The following NUCKS1 variants were observed in gnomAD, a reference collection of about 807,000 sequenced individuals.
NUCKS1 encodes nuclear casein kinase and cyclin dependent kinase substrate 1, also known as nuclear ubiquitous casein and cyclin-dependent kinase substrate 1.
In NUCKS1, 2 loss-of-function variants were observed where a neutral mutation model predicts 33.0. That is an observed-to-expected ratio of 0.06 (90% CI 0.02 to 0.19). The LOEUF (loss-of-function observed/expected upper bound fraction) is 0.19, where lower values mean the gene tolerates loss of function less well. Among genes scored for constraint, NUCKS1 ranks in the 10% least tolerant of loss-of-function variants. NUCKS1 has a pLI of 1.00. For missense variants in NUCKS1, 201 were observed against 293.6 expected, an observed-to-expected ratio of 0.68 and a Z score of 2.31; for synonymous variants, 106 against 102.8, an observed-to-expected ratio of 1.03 and a Z score of -0.19.
chr1:205,718,367 C>T lies in NUCKS1; in HGVS notation c.645G>A (p.Pro215=), dbSNP rs116436694. The T allele has an allele frequency of 7.1e-5, 115 of 1,613,556 alleles. No homozygotes were observed. In the Admixed American group the frequency reaches 7.8e-4, roughly 11 times the overall value. The change falls in exon 7 of 7, where the codon CCG becomes CCA. Residue 215 remains proline, a synonymous_variant. Coordinates refer to ENST00000367142, the MANE Select transcript of NUCKS1 (RefSeq NM_022731.5). The part of the protein sequence containing the change: ...PKEEDEEPES[P]PEKKTSTSPP... Reference sequence around the variant, plus strand: ...GGCTTGTAGATGTTTTCTTTTCTGGCGGGCTTTCCGGTTCCTCATCTTCTT... The same window carrying T: ...GGCTTGTAGATGTTTTCTTTTCTGGTGGGCTTTCCGGTTCCTCATCTTCTT...
intron 4 of NUCKS1, among the ~76,000 whole-genome samples, chr1:205,723,439 A>C (rs1405756767): frequency 6.6e-6 from 1 of 152,192 alleles, no homozygotes; most frequent in Non-Finnish European, 1.5e-5. Context: ...TACAAAAAAA[A>C]CTTTCTCTAT....
intron 1 of NUCKS1, among the ~76,000 whole-genome samples, chr1:205,747,859 A>G (rs961926308): frequency 2.0e-5 from 3 of 152,230 alleles, no homozygotes; most frequent in Admixed American, 6.5e-5. Flanking sequence ...ACAAACCACC[A>G]AACTCAAGTT....
intron 1 of NUCKS1, among the ~76,000 whole-genome samples, chr1:205,741,144 C>CT (rs1654160688): frequency 6.6e-6 from 1 of 150,724 alleles, no homozygotes; most frequent in Admixed American, 6.6e-5. Flanking sequence ...ACTAAAAATA[C>CT]AAAAAATTAG....
chr1:205,729,585 T>C lies in NUCKS1; in HGVS notation c.54A>G (p.Glu18=). The stretch of plus-strand genomic sequence containing the variant: ...CACAAAACTTACCTGCATCATCAGA[T>C]TCCTGAAACTGTGAGTAATCAACAA... The part of the protein sequence containing the change: ...RKVVDYSQFQ[E]SDDADEDYGR... Residue 18 remains glutamate, a synonymous_variant, in exon 2 of 7, where the codon GAA becomes GAG. Coordinates refer to ENST00000367142, the MANE Select transcript of NUCKS1 (RefSeq NM_022731.5). 2 of 1,613,132 alleles carry C rather than the reference T, an allele frequency of 1.2e-6. No homozygotes were observed. The highest frequency in any genetic ancestry group is 1.7e-6 in the Non-Finnish European group (2 of 1,179,120).
At chr1:205,746,579 TG>T (rs1487717440) in intron 1 of NUCKS1, among the ~76,000 whole-genome samples, 2 of 152,134 alleles carry the variant, frequency 1.3e-5, no homozygotes, top group Non-Finnish European at 2.9e-5. Context: ...TGAACTACCT[TG>T]AATTTTCAAG....
At chr1:205,720,712 G>T in intron 4 of NUCKS1, 59 bp from the exon 5 acceptor site, 1 of 1,479,246 alleles carries the variant, frequency 6.8e-7, no homozygotes, top group Non-Finnish European at 9.1e-7. Context: ...TGACAAGATA[G>T]TGCAAAAGAT....
chr1:205,749,682 C>T lies in NUCKS1; in HGVS notation c.17+275G>A, dbSNP rs12727532. 2.1e-3 allele frequency among the ~76,000 whole-genome samples: 312 copies of T among 152,106 alleles called. 3 individuals are homozygous for T. The East Asian group carries it at 0.021, about 10-fold the overall frequency. On this transcript the variant is annotated intron_variant, in intron 1 of 6. Coordinates refer to ENST00000367142, the MANE Select transcript of NUCKS1 (RefSeq NM_022731.5). Reference sequence around the variant, plus strand: ...CCGGCCGCTGGCGGCTCAGGGACACCCCGCCCGCTCTAGTGCGGTGGGTGG... The same window carrying T: ...CCGGCCGCTGGCGGCTCAGGGACACTCCGCCCGCTCTAGTGCGGTGGGTGG...
At chr1:205,734,038 T>C (rs1156916497) in intron 1 of NUCKS1, among the ~76,000 whole-genome samples, 1 of 152,074 alleles carries the variant, frequency 6.6e-6, no homozygotes, top group Admixed American at 6.6e-5. Context: ...GCCTGGCTAA[T>C]TAAAAACAAT....
chr1:205,719,415 C>G, intron 6 of NUCKS1, 112 bp downstream of exon 6: 1 of 1,061,708 alleles, frequency 9.4e-7, no homozygotes, highest in Non-Finnish European at 1.4e-6. Context: ...TTCTTGTATT[C>G]CTGCTAAACA....
intron 1 of NUCKS1, among the ~76,000 whole-genome samples, chr1:205,737,563 C>T (rs1654062338): frequency 6.6e-6 from 1 of 152,204 alleles, no homozygotes; most frequent in South Asian, 2.1e-4. Context: ...TATCATTCTG[C>T]CTGTATTTCT....
At chr1:205,743,457 A>G (rs1654232459) in intron 1 of NUCKS1, among the ~76,000 whole-genome samples, 1 of 152,232 alleles carries the variant, frequency 6.6e-6, no homozygotes, top group Admixed American at 6.5e-5. Flanking sequence ...TTAAAACACT[A>G]AAAACTCAAC....
intron 1 of NUCKS1, among the ~76,000 whole-genome samples, chr1:205,743,218 A>G (rs746494815): frequency 6.6e-6 from 1 of 152,232 alleles, no homozygotes; most frequent in Non-Finnish European, 1.5e-5. Context: ...CTTTTATTCA[A>G]AATTAGCTTT....
Position 205,750,043 on chromosome 1 carries a change from G to GCCCCCC in NUCKS1, c.-71_-70insGGGGGG. On this transcript the variant is annotated 5_prime_UTR_variant, in exon 1 of 7. Transcript: ENST00000367142. ...ACCCCCCCCACCCCGCGCGCTCGGC[G>GCCCCCC]CCCCACCCCCCCCGAACTTCAGCCG... 7.9e-7 allele frequency: 1 copy of GCCCCCC among 1,271,642 alleles called. No homozygotes were observed. The highest frequency in any genetic ancestry group is 1.0e-6 in the Non-Finnish European group (1 of 984,488). 78.8% of individuals were successfully genotyped at this position (1,271,642 alleles called of 1,614,324 possible). A position where few individuals can be genotyped will look rare whatever the true frequency, so the allele number is the denominator to read the frequency against.
At chr1:205,728,896 T>C (rs1653840518) in intron 2 of NUCKS1, among the ~76,000 whole-genome samples, 1 of 152,210 alleles carries the variant, frequency 6.6e-6, no homozygotes, top group Admixed American at 6.5e-5. Flanking sequence ...AGTTTTATTG[T>C]AGTAACAGCA....
At position 205,743,763 on chromosome 1, in the gene NUCKS1, C is replaced by A. The variant is rs980257012; in HGVS notation, c.17+6194G>T. The stretch of plus-strand genomic sequence containing the variant: ...CTTGTAACACAACATTATTAAAAAA[C>A]CTGTTTACTGTATATCATGTTGCTT... On this transcript the variant is annotated intron_variant, in intron 1 of 6. Coordinates refer to ENST00000367142, the MANE Select transcript of NUCKS1 (RefSeq NM_022731.5). Among the ~76,000 whole-genome samples, 25 of 152,288 alleles carry A rather than the reference C, an allele frequency of 1.6e-4. 1 individual carries two copies. Among genetic ancestry groups the A allele is most frequent in the Admixed American group, 1.5e-3 (23 of 15,302 alleles).
chr1:205,747,545 T>C (rs1654362486), intron 1 of NUCKS1, among the ~76,000 whole-genome samples: 1 of 152,224 alleles, frequency 6.6e-6, no homozygotes, highest in African/African-American at 2.4e-5. Context: ...CATTTCCAAA[T>C]GCTCTTAAAA....
chr1:205,741,906 T>A (rs898032428), intron 1 of NUCKS1, among the ~76,000 whole-genome samples: 1 of 152,222 alleles, frequency 6.6e-6, no homozygotes, highest in Non-Finnish European at 1.5e-5. Context: ...TAGATCTTCC[T>A]GACAAAAGTG....
intron 1 of NUCKS1, among the ~76,000 whole-genome samples, chr1:205,740,346 T>G (rs1276649521): frequency 6.6e-6 from 1 of 151,914 alleles, no homozygotes; most frequent in Non-Finnish European, 1.5e-5. Flanking sequence ...CCTCTGGTTG[T>G]GGTAGCTCAC....
intron 1 of NUCKS1, among the ~76,000 whole-genome samples, chr1:205,740,259 C>T (rs953795119): frequency 1.3e-5 from 2 of 151,854 alleles, no homozygotes; most frequent in African/African-American, 4.8e-5. Context: ...CCCACCTCGG[C>T]CTCCCAAAGT....
Sources: gnomAD v4.1 joint callset for allele counts (sites outside exome capture counted in the v4.1 genomes callset) on GRCh38, gnomAD v4.1.1 for gene constraint, MANE v1.5 for transcripts, NCBI Gene and HGNC (gene_info 2026-07-23, HGNC 2026-07-21) for gene names.